The following FHIT variants were observed in gnomAD, a reference collection of about 807,000 sequenced individuals.
FHIT encodes fragile histidine triad diadenosine triphosphatase.
A neutral mutation model predicts 17.9 loss-of-function variants in FHIT; 19 were observed. The ratio of observed to expected loss-of-function variants is 1.06; its 90% CI spans 0.74 to 1.56. The LOEUF (loss-of-function observed/expected upper bound fraction) is 1.56. FHIT is among the 40% of genes most tolerant of loss of function. The probability of loss-of-function intolerance (pLI) is 0.00; values close to 1 mark genes in which losing one functional copy is unlikely to be tolerated. For missense variants in FHIT, 248 were observed against 189.2 expected (o/e 1.31, Z -1.82); for synonymous variants, 81 against 69.7 (o/e 1.16, Z -0.81).
chr3:60,574,147 G>A (rs373333653), intron 4 of FHIT, among the ~76,000 whole-genome samples: 4 of 151,960 alleles, frequency 2.6e-5, no homozygotes, highest in African/African-American at 9.7e-5. Context: ...TCTACTTTCC[G>A]ATTTAAACAA....
chr3:61,123,088 C>G (rs2036506374), intron 2 of FHIT, among the ~76,000 whole-genome samples: 2 of 152,080 alleles, frequency 1.3e-5, no homozygotes, highest in African/African-American at 4.8e-5. Context: ...AATAGCAAGA[C>G]TTGGAACCAA....
chr3:61,062,231 T>C lies in FHIT; in HGVS notation c.-163-20132A>G, dbSNP rs149628801. Among the ~76,000 whole-genome samples the C allele has an allele frequency of 4.0e-3, 602 of 152,266 alleles. 21 individuals carry two copies. Among genetic ancestry groups the C allele is most frequent in the Admixed American group, 0.036 (557 of 15,290 alleles). The stretch of plus-strand genomic sequence containing the variant: ...ATCCACAACAGGGTATCCCCCTGAT[T>C]TTGCCCATAGTGCTTATTATCCTAA... On this transcript the variant is annotated intron_variant, in intron 2 of 9. Coordinates refer to ENST00000492590, the MANE Select transcript of FHIT (RefSeq NM_002012.4).
intron 5 of FHIT, among the ~76,000 whole-genome samples, chr3:60,455,392 T>C (rs907931015): frequency 1.3e-5 from 2 of 152,224 alleles, no homozygotes; most frequent in South Asian, 2.1e-4. Flanking sequence ...ATTTACAAGG[T>C]GACTGATGAG....
intron 4 of FHIT, among the ~76,000 whole-genome samples, chr3:60,674,169 T>C (rs1166115021): frequency 6.6e-6 from 1 of 152,146 alleles, no homozygotes; most frequent in Non-Finnish European, 1.5e-5. Context: ...TTTTCTGTAG[T>C]TTCTAATATG....
rs1576773850 is a variant in FHIT, at chr3:60,503,764, G to C, written c.103+33096C>G. Among the ~76,000 whole-genome samples, 4 of 152,176 alleles carry C rather than the reference G, an allele frequency of 2.6e-5. No individual in the cohort carries two copies. The South Asian group carries it at 6.2e-4, about 24-fold the overall frequency. On this transcript the variant is annotated intron_variant, in intron 5 of 9. Transcript: ENST00000492590. ...GGGATATCATACTATATGTAGAGTA[G>C]TGTTGTGTTCTAGTTTTATCTAAAA...
rs551780200 is a variant in FHIT at position 60,110,179 on chromosome 3, A to G, written c.104-96027T>C. Among the ~76,000 whole-genome samples, 50 of 152,294 alleles carry G rather than the reference A, an allele frequency of 3.3e-4. 1 individual carries two copies. The South Asian group carries it at 0.01, about 31-fold the overall frequency. ...GGGGTTGGGCTACCTCCATAGAATG[A>G]TAATAAAAGTTTGCCTCCAAAATAA... On this transcript the variant is annotated intron_variant, in intron 5 of 9. Transcript: ENST00000492590.
intron 4 of FHIT, among the ~76,000 whole-genome samples, chr3:60,809,523 T>C (rs1553735441): frequency 6.6e-6 from 1 of 152,212 alleles, no homozygotes; most frequent in East Asian, 1.9e-4. Context: ...CTCAATTTAC[T>C]GTGATTTGCA....
intron 1 of FHIT, among the ~76,000 whole-genome samples, chr3:61,212,168 T>C (rs982620521): frequency 2.0e-5 from 3 of 152,136 alleles, no homozygotes; most frequent in African/African-American, 4.8e-5. Flanking sequence ...CTTTGACAAG[T>C]TGAGAGAAGA....
At chr3:61,190,271 G>A (rs2038671731) in intron 2 of FHIT, among the ~76,000 whole-genome samples, 1 of 152,108 alleles carries the variant, frequency 6.6e-6, no homozygotes. Context: ...GTGGGTGAAG[G>A]ATATGAACAG....
chr3:60,374,328 T>A (rs1447127454), intron 5 of FHIT, among the ~76,000 whole-genome samples: 2 of 152,036 alleles, frequency 1.3e-5, no homozygotes, highest in East Asian at 3.8e-4. Context: ...GAAGTCTCTA[T>A]TTTTTTAAAC....
intron 8 of FHIT, among the ~76,000 whole-genome samples, chr3:59,779,244 C>CT (rs34285374): frequency 6.6e-6 from 1 of 152,098 alleles, no homozygotes; most frequent in African/African-American, 2.4e-5. Flanking sequence ...TCTAGGGGTG[C>CT]TTTTGGAAAC....
At chr3:60,859,744 T>A (rs1703554084) in intron 3 of FHIT, among the ~76,000 whole-genome samples, 1 of 110,788 alleles carries the variant, frequency 9.0e-6, no homozygotes, top group African/African-American at 3.8e-5. Flanking sequence ...TTTTTTTTTT[T>A]TTTTTTTTTT....
intron 4 of FHIT, among the ~76,000 whole-genome samples, chr3:60,594,738 G>A (rs2038203185): frequency 6.6e-6 from 1 of 152,082 alleles, no homozygotes; most frequent in Admixed American, 6.6e-5. Flanking sequence ...AATAGCCTCT[G>A]CTTCTTCTCA....
intron 8 of FHIT, among the ~76,000 whole-genome samples, chr3:59,800,125 T>G (rs1699936747): frequency 6.6e-6 from 1 of 152,234 alleles, no homozygotes. Flanking sequence ...AGTGTAACTG[T>G]GCTTGCTCGG....
intron 4 of FHIT, among the ~76,000 whole-genome samples, chr3:60,546,554 A>T (rs1266490436): frequency 6.6e-6 from 1 of 152,016 alleles, no homozygotes; most frequent in Non-Finnish European, 1.5e-5. Context: ...TACTCTACTG[A>T]TTGTATTTTC....
At chr3:60,932,737 G>A (rs781786138) in intron 3 of FHIT, among the ~76,000 whole-genome samples, 5 of 152,064 alleles carry the variant, frequency 3.3e-5, no homozygotes, top group Non-Finnish European at 5.9e-5. Flanking sequence ...CCACACCTCT[G>A]TCAATCTTCT....
At chr3:60,583,938 T>C (rs964454105) in intron 4 of FHIT, among the ~76,000 whole-genome samples, 2 of 152,084 alleles carry the variant, frequency 1.3e-5, no homozygotes, top group Admixed American at 1.3e-4. Flanking sequence ...CTGGGAAATA[T>C]TCTTCTTGGG....
chr3:60,289,825 G>A (rs955750176), intron 5 of FHIT, among the ~76,000 whole-genome samples: 13 of 234 alleles, frequency 0.056, no homozygotes, highest in Non-Finnish European at 0.086. Flanking sequence ...TTTATTACAC[G>A]GAACCATTCA....
intron 5 of FHIT, among the ~76,000 whole-genome samples, chr3:60,165,202 C>G (rs1430906689): frequency 6.6e-6 from 1 of 152,136 alleles, no homozygotes; most frequent in Non-Finnish European, 1.5e-5. Flanking sequence ...GCTGCTGATG[C>G]TACTCCCTGG....
Sources: allele counts gnomAD v4.1 joint callset (sites outside exome capture counted in the v4.1 genomes callset), GRCh38; gene constraint gnomAD v4.1.1; transcripts MANE v1.5; gene names NCBI Gene and HGNC (gene_info 2026-07-23, HGNC 2026-07-21).